FYN: variants seen among roughly 807,000 people sequenced by gnomAD.
FYN encodes FYN proto-oncogene, Src family tyrosine kinase.
In FYN, 10 loss-of-function variants were observed where a neutral mutation model predicts 70.2. The ratio of observed to expected loss-of-function variants is 0.14; its 90% CI spans 0.09 to 0.24. The LOEUF (loss-of-function observed/expected upper bound fraction) is 0.24, where lower values mean the gene tolerates loss of function less well. Among genes scored for constraint, FYN ranks in the 10% least tolerant of loss-of-function variants. The pLI, the probability that FYN is intolerant of heterozygous loss-of-function variation, is 1.00. For missense variants in FYN, 319 were observed against 673.1 expected (o/e 0.47, Z 5.82); for synonymous variants, 236 against 248.6 (o/e 0.95, Z 0.48).
At chr6:111,820,144 C>T (rs1032892403) in intron 2 of FYN, 6 of 152,160 alleles carry the variant, frequency 3.9e-5, no homozygotes, top group African/African-American at 1.2e-4. Flanking sequence ...AATGGGAACC[C>T]TTAGCAAGAC....
At chr6:111,792,993 G>A (rs568481211) in intron 2 of FYN, among the ~76,000 whole-genome samples, 1 of 152,036 alleles carries the variant, frequency 6.6e-6, no homozygotes, top group African/African-American at 2.4e-5. Context: ...CATTATCAGT[G>A]CACTTAAGAA....
chr6:111,661,625 C>T lies in FYN; in HGVS notation c.*114G>A. 5.2e-6 allele frequency: 5 copies of T among 961,876 alleles called. No individual in the cohort carries two copies. The highest frequency in any genetic ancestry group is 4.7e-6 in the Non-Finnish European group (3 of 633,772). The allele number at this position is 961,876 out of a possible 1,614,324, so 59.6% of individuals were successfully genotyped here. ...AGTTCGTCAGCTTCAGAGTCACATG[C>T]AATCTGATCCTGGGCGGTTCCGCTG... is the stretch of plus-strand genomic sequence containing the variant. On this transcript the variant is annotated 3_prime_UTR_variant, in exon 14 of 14. Transcript: ENST00000354650. This position sits in a 1 kb window ranked among gnomAD's most constrained non-coding sequence, Gnocchi z 4.0.
intron 3 of FYN, among the ~76,000 whole-genome samples, chr6:111,773,960 A>G (rs1463718897): frequency 1.3e-5 from 2 of 152,210 alleles, no homozygotes; most frequent in Non-Finnish European, 2.9e-5. Flanking sequence ...GACGTTTAAG[A>G]TAACAAATCA....
Position 111,821,238 on chromosome 6 carries a change from A to G in FYN, c.-82+25351T>C, listed in dbSNP as rs1358556394. 6.6e-5 allele frequency among the ~76,000 whole-genome samples: 10 copies of G among 151,936 alleles called. 1 individual carries two copies. The highest frequency in any genetic ancestry group is 1.3e-4 in the Non-Finnish European group (9 of 67,934). ...ACACTACCTGACTTCAAACTATACT[A>G]CAAGGCTACAGTAACCAAAACAGCA... On this transcript the variant is annotated intron_variant, in intron 2 of 13. Coordinates refer to ENST00000354650, the MANE Select transcript of FYN (RefSeq NM_002037.5).
intron 1 of FYN, among the ~76,000 whole-genome samples, chr6:111,872,708 C>T (rs543662117): frequency 6.6e-5 from 10 of 152,102 alleles, no homozygotes; most frequent in African/African-American, 2.4e-4. Context: ...CATTTTCACC[C>T]GGCGCCCGCT....
chr6:111,799,622 G>C (rs529848894), intron 2 of FYN, among the ~76,000 whole-genome samples: 1 of 152,298 alleles, frequency 6.6e-6, no homozygotes, highest in East Asian at 1.9e-4. Context: ...ATTGGTAAAT[G>C]GTATTAATAG....
Position 111,786,526 on chromosome 6 carries a change from A to G in FYN, c.-81-5891T>C, listed in dbSNP as rs112233538. Among the ~76,000 whole-genome samples, 399 of 152,322 alleles carry G rather than the reference A, an allele frequency of 2.6e-3. 4 individuals carry two copies. The highest frequency in any genetic ancestry group is 8.9e-3 in the African/African-American group (371 of 41,566). On this transcript the variant is annotated intron_variant, in intron 2 of 13. Coordinates refer to ENST00000354650, the MANE Select transcript of FYN (RefSeq NM_002037.5). The stretch of plus-strand genomic sequence containing the variant: ...ATAGTGCCGCAATATGTGTGCATGT[A>G]TCTTTATAGCAGCATGATTTATAAT...
intron 12 of FYN, among the ~76,000 whole-genome samples, chr6:111,678,893 C>T (rs866626266): frequency 6.6e-6 from 1 of 152,284 alleles, no homozygotes; most frequent in African/African-American, 2.4e-5. Flanking sequence ...TGTCCCTGCC[C>T]GTGTCAGGTC....
chr6:111,862,530 C>A (rs1773991029), intron 1 of FYN, among the ~76,000 whole-genome samples: 1 of 152,100 alleles, frequency 6.6e-6, no homozygotes, highest in South Asian at 2.1e-4. Flanking sequence ...TTACCCCGGG[C>A]CTGTCTAAAT....
At position 111,731,536 on chromosome 6, in the gene FYN, T is replaced by C. The variant is rs184228869; in HGVS notation, c.-11-11474A>G. 1.0e-3 allele frequency among the ~76,000 whole-genome samples: 153 copies of C among 152,330 alleles called. 2 individuals carry two copies. The highest frequency in any genetic ancestry group is 2.9e-4 in the Non-Finnish European group (20 of 68,012). On this transcript the variant is annotated intron_variant, in intron 3 of 13. Transcript: ENST00000354650. ...ACATGAAGCCCAGTCCCCCGGCCCC[T>C]GGGTCTTTGTGTTGGCACTTTATTC...
chr6:111,854,910 C>A (rs781327514), intron 1 of FYN, among the ~76,000 whole-genome samples: 2 of 152,176 alleles, frequency 1.3e-5, no homozygotes, highest in Admixed American at 6.5e-5. Flanking sequence ...AATAATGATG[C>A]AAGACTATGT....
At chr6:111,870,402 G>C (rs543825885) in intron 1 of FYN, among the ~76,000 whole-genome samples, 1 of 152,274 alleles carries the variant, frequency 6.6e-6, no homozygotes, top group African/African-American at 2.4e-5. Context: ...AAGAATAAAC[G>C]TCTATTGCTT....
Position 111,661,966 on chromosome 6 carries a change from TGA to T in FYN, c.1406-21_1406-20del. 6.3e-7 allele frequency: 1 copy of T among 1,582,450 alleles called. No homozygotes were observed. Among genetic ancestry groups the T allele is most frequent in the Non-Finnish European group, 8.6e-7 (1 of 1,162,168 alleles). On this transcript the variant is annotated intron_variant, in intron 13 of 13. Transcript: ENST00000354650. The surrounding 1 kb of genome is among the most constrained non-coding windows in gnomAD (Gnocchi z 4.0). ...TTCATGCCTGCAAAGACAAGCGCAG[TGA>T]GAGTGGGCACCCCGGGGATCCAGGC...
At chr6:111,773,884 C>T (rs961013142) in intron 3 of FYN, among the ~76,000 whole-genome samples, 2 of 152,204 alleles carry the variant, frequency 1.3e-5, no homozygotes, top group South Asian at 4.1e-4. Context: ...CCCTTACTGG[C>T]TGACATCAAA....
intron 2 of FYN, among the ~76,000 whole-genome samples, chr6:111,784,515 C>T (rs1396600969): frequency 6.6e-6 from 1 of 152,178 alleles, no homozygotes; most frequent in Admixed American, 6.5e-5. Flanking sequence ...CAACAGCTTT[C>T]TAAATCAGCC....
At chr6:111,849,361 C>T (rs1387168908) in intron 1 of FYN, among the ~76,000 whole-genome samples, 1 of 152,222 alleles carries the variant, frequency 6.6e-6, no homozygotes, top group African/African-American at 2.4e-5. Context: ...CAATCCTCAA[C>T]TCTGAGCTCT....
At chr6:111,780,390 A>G (rs950249131) in intron 3 of FYN, among the ~76,000 whole-genome samples, 176 bp downstream of exon 3, 1 of 152,234 alleles carries the variant, frequency 6.6e-6, no homozygotes, top group Non-Finnish European at 1.5e-5. Flanking sequence ...CAGCAATAAC[A>G]AGAAAAAGTA....
chr6:111,718,569 G>T (rs2128460854), intron 4 of FYN, among the ~76,000 whole-genome samples: 1 of 152,282 alleles, frequency 6.6e-6, no homozygotes, highest in South Asian at 2.1e-4. Flanking sequence ...TAACAGTCTG[G>T]GCTGGCAAAG....
intron 2 of FYN, among the ~76,000 whole-genome samples, chr6:111,795,938 G>C (rs1420975071): frequency 6.6e-6 from 1 of 152,138 alleles, no homozygotes; most frequent in Non-Finnish European, 1.5e-5. Context: ...TAAGGGAAAC[G>C]ATTTATAAAT....
Sources: gnomAD v4.1 joint callset for allele counts (sites outside exome capture counted in the v4.1 genomes callset) on GRCh38, gnomAD v4.1.1 for gene constraint, Gnocchi (gnomAD v3.1) non-coding constraint, MANE v1.5 for transcripts, NCBI Gene and HGNC (gene_info 2026-07-23, HGNC 2026-07-21) for gene names.